CDH23: variants seen among roughly 807,000 people sequenced by gnomAD.
CDH23 encodes cadherin-23.
In CDH23, 189 loss-of-function variants were observed where a neutral mutation model predicts 317.1. The observed-to-expected ratio is 0.60, with a 90% CI of 0.53 to 0.67. The LOEUF (loss-of-function observed/expected upper bound fraction) is 0.67. Ranked by LOEUF, CDH23 falls within the 30% of genes least tolerant of loss-of-function variation. The pLI is 0.00. For missense variants in CDH23, 4,401 were observed against 4,592.4 expected (o/e 0.96, Z 1.20); for synonymous variants, 1,839 against 1,876.8 (o/e 0.98, Z 0.52).
rs1414231321 is a variant in CDH23, at chr10:71,815,471, T to C, written c.*193T>C. 6.0e-6 allele frequency: 3 copies of C among 503,822 alleles called. No homozygotes were observed. The East Asian group carries it at 9.1e-5, about 15-fold the overall frequency. 31.2% of individuals were successfully genotyped at this position (503,822 alleles called of 1,614,324 possible). A position where few individuals can be genotyped will look rare whatever the true frequency, so the allele number is the denominator to read the frequency against. On this transcript the variant is annotated 3_prime_UTR_variant, in exon 70 of 70. Transcript: ENST00000224721. ...CCAGACGCTCATTCAGCATCTGACC[T>C]CTACCTTCATAAGATCTGTTATTTT...
At chr10:71,403,453 CT>C (rs1467337956) in intron 1 of CDH23, among the ~76,000 whole-genome samples, 4,008 of 31,890 alleles carry the variant, frequency 0.13, 293 homozygotes, top group African/African-American at 0.25. Flanking sequence ...TCCTTCCTTC[CT>C]TTCCTTCCTT....
intron 38 of CDH23, chr10:71,760,712 G>T (rs1180931230): frequency 1.0e-5 from 7 of 695,246 alleles, no homozygotes; most frequent in Non-Finnish European, 1.8e-5. Flanking sequence ...GCACCAAGGA[G>T]GAAGCAGAAG....
intron 52 of CDH23, 122 bp from the exon 53 acceptor site, chr10:71,800,514 G>C (rs1841528631): frequency 8.4e-7 from 1 of 1,196,964 alleles, no homozygotes; most frequent in East Asian, 2.6e-5. Context: ...GGGGGCAGAG[G>C]TTATTGTCTC....
At chr10:71,784,210 G>A (rs1055159438) in intron 41 of CDH23, 77 bp from the exon 42 acceptor site, 1 of 1,484,398 alleles carries the variant, frequency 6.7e-7, no homozygotes. Context: ...CTTGCTAGAG[G>A]AAGCAGAAGG....
intron 38 of CDH23, among the ~76,000 whole-genome samples, chr10:71,756,100 G>C (rs1231368718): frequency 6.6e-6 from 1 of 152,118 alleles, no homozygotes; most frequent in African/African-American, 2.4e-5. Flanking sequence ...GTGAGAACTA[G>C]AAAAACGTGA....
chr10:71,695,331 G>T, intron 21 of CDH23, 87 bp from the exon 22 acceptor site: 1 of 905,700 alleles, frequency 1.1e-6, no homozygotes, highest in East Asian at 2.4e-5. Context: ...GATTGCCCGT[G>T]GGCATCTGAG....
chr10:71,475,462 C>T (rs1367168213), intron 3 of CDH23, among the ~76,000 whole-genome samples: 1 of 152,198 alleles, frequency 6.6e-6, no homozygotes, highest in Non-Finnish European at 1.5e-5. Flanking sequence ...CGGTTGAGGA[C>T]AGCTTTTTTG....
At chr10:71,759,421 C>G (rs1299216036) in intron 38 of CDH23, among the ~76,000 whole-genome samples, 1 of 151,948 alleles carries the variant, frequency 6.6e-6, no homozygotes, top group African/African-American at 2.4e-5. Flanking sequence ...GCAGGAAGAT[C>G]ACTTGCATCT....
intron 23 of CDH23, 86 bp downstream of exon 23, chr10:71,702,297 C>T: frequency 7.0e-7 from 1 of 1,426,998 alleles, no homozygotes; most frequent in Non-Finnish European, 9.7e-7. Flanking sequence ...ACCTGGGGCC[C>T]ACCCAGGAGG....
At chr10:71,547,306 T>C (rs1241894210) in intron 6 of CDH23, among the ~76,000 whole-genome samples, 2 of 151,912 alleles carry the variant, frequency 1.3e-5, no homozygotes, top group Admixed American at 1.3e-4. Flanking sequence ...GGGGTGAAGA[T>C]GAGGAAAGGA....
chr10:71,815,159 A>ACCGCTGCCGAGG lies in CDH23; in HGVS notation c.9949_9960dup (p.Ala3317_Ala3320dup), dbSNP rs1564811055. ...CCTGGGCCGCTCGCTGGAGACGCTGACCGCTGCCGAGGCCACTGCCTTCGA... is the reference window on the plus strand; with the variant it reads ...CCTGGGCCGCTCGCTGGAGACGCTGACCGCTGCCGAGGCCGCTGCCGAGGCCACTGCCTTCGA... On this transcript the variant is annotated inframe_insertion, in exon 70 of 70. Transcript: ENST00000224721. 7 of 1,611,432 alleles carry ACCGCTGCCGAGG rather than the reference A, an allele frequency of 4.3e-6. No individual in the cohort carries two copies. In the South Asian group the frequency reaches 6.6e-5, roughly 15 times the overall value.
intron 14 of CDH23, among the ~76,000 whole-genome samples, chr10:71,654,995 G>A (rs746029868): frequency 3.9e-5 from 6 of 152,142 alleles, no homozygotes; most frequent in African/African-American, 9.7e-5. Context: ...TTACACACAC[G>A]TAAATGTCAT....
At chr10:71,607,413 C>T (rs866522642) in intron 9 of CDH23, among the ~76,000 whole-genome samples, 1 of 152,230 alleles carries the variant, frequency 6.6e-6, no homozygotes, top group Non-Finnish European at 1.5e-5. Context: ...TCAGTTTCTT[C>T]CTCTGTAAAA....
intron 39 of CDH23, 79 bp from the exon 40 acceptor site, chr10:71,778,110 C>T (rs2132926942): frequency 6.3e-7 from 1 of 1,578,244 alleles, no homozygotes; most frequent in Admixed American, 1.8e-5. Context: ...ATGTCAGGGC[C>T]TACTTCCCAA....
Position 71,429,549 on chromosome 10 carries a change from G to A in CDH23, c.-5-10278G>A, listed in dbSNP as rs190321813. 4.0e-3 allele frequency among the ~76,000 whole-genome samples: 608 copies of A among 152,284 alleles called. 15 individuals carry two copies. Among genetic ancestry groups the A allele is most frequent in the East Asian group, 1.7e-3 (9 of 5,178 alleles). ...TGATCAAGCCCAGTGATGGCCAAGA[G>A]GTGGGAATGAGCTGGCAGGTTTGAG... On this transcript the variant is annotated intron_variant, in intron 1 of 69. Transcript: ENST00000224721.
At chr10:71,500,156 T>A (rs1853208382) in intron 3 of CDH23, among the ~76,000 whole-genome samples, 1 of 152,204 alleles carries the variant, frequency 6.6e-6, no homozygotes, top group Non-Finnish European at 1.5e-5. Flanking sequence ...GATAAGTGTT[T>A]GAGGTGATGG....
chr10:71,432,043 C>A (rs541683837), intron 1 of CDH23, among the ~76,000 whole-genome samples: 1 of 152,304 alleles, frequency 6.6e-6, no homozygotes, highest in Admixed American at 6.5e-5. Context: ...TTTGGTGAAA[C>A]CCCTACAGGT....
In CDH23 at chr10:71,466,106, C is replaced by T. The variant is rs536127547; in HGVS notation, c.145+19711C>T. Among the ~76,000 whole-genome samples, 5 of 152,304 alleles carry T rather than the reference C, an allele frequency of 3.3e-5. No individual in the cohort carries two copies. In the East Asian group the frequency reaches 9.7e-4, roughly 29 times the overall value. ...TCCTCTCACCCACTCCAGGGCCACCCCTTGCAGGGGTGTGCCCTGTGTGTG... is the reference window on the plus strand; with the variant it reads ...TCCTCTCACCCACTCCAGGGCCACCTCTTGCAGGGGTGTGCCCTGTGTGTG... On this transcript the variant is annotated intron_variant, in intron 3 of 69. Transcript: ENST00000224721.
chr10:71,561,121 CT>C (rs1371572103), intron 6 of CDH23, among the ~76,000 whole-genome samples: 18 of 152,062 alleles, frequency 1.2e-4, no homozygotes, highest in African/African-American at 2.4e-5. Flanking sequence ...AAGTTTTCCT[CT>C]AGAATGTCTC....
Sources: gnomAD v4.1 joint callset for allele counts (sites outside exome capture counted in the v4.1 genomes callset) on GRCh38, gnomAD v4.1.1 for gene constraint, MANE v1.5 for transcripts, NCBI Gene and HGNC (gene_info 2026-07-23, HGNC 2026-07-21) for gene names.